GPC5: variants seen among roughly 807,000 people sequenced by gnomAD.
The protein encoded by GPC5 is glypican-5.
A neutral mutation model predicts 53.9 loss-of-function variants in GPC5; 47 were observed. The ratio of observed to expected loss-of-function variants is 0.87; its 90% CI spans 0.69 to 1.11. The LOEUF is 1.11. Among genes scored for constraint, GPC5 ranks in the 50% most tolerant of loss-of-function variants. GPC5 has a pLI of 0.00. For synonymous variants in GPC5, 286 were observed against 263.3 expected, an observed-to-expected ratio of 1.09 and a Z score of -0.84; for missense variants, 748 against 713.1, an observed-to-expected ratio of 1.05 and a Z score of -0.56.
intron 6 of GPC5, among the ~76,000 whole-genome samples, chr13:91,969,401 A>C (rs1462390633): frequency 6.6e-6 from 1 of 152,226 alleles, no homozygotes; most frequent in Non-Finnish European, 1.5e-5. Flanking sequence ...AAAGGCTTAC[A>C]TAGAAATGTA....
intron 7 of GPC5, among the ~76,000 whole-genome samples, chr13:92,322,278 A>G (rs1326390329): frequency 6.6e-6 from 1 of 152,098 alleles, no homozygotes; most frequent in African/African-American, 2.4e-5. Context: ...ATGGGGGAAA[A>G]AAAAAAGTTC....
intron 7 of GPC5, among the ~76,000 whole-genome samples, chr13:92,331,415 C>T (rs4351927): frequency 0.2 from 31,127 of 151,878 alleles, 3,914 homozygotes; most frequent in Non-Finnish European, 0.29. Context: ...TGATGAATGC[C>T]GAAATTTGAA....
At chr13:92,033,186 A>C (rs1045978214) in intron 6 of GPC5, among the ~76,000 whole-genome samples, 9 of 152,162 alleles carry the variant, frequency 5.9e-5, no homozygotes, top group African/African-American at 2.2e-4. Context: ...ACTTGAGTAA[A>C]TAGAGTATTT....
At chr13:91,634,427 G>T (rs1368856518) in intron 2 of GPC5, among the ~76,000 whole-genome samples, 5 of 151,962 alleles carry the variant, frequency 3.3e-5, no homozygotes, top group African/African-American at 1.2e-4. Context: ...ATTTGTGAAA[G>T]AACAGTTTCT....
At chr13:92,332,943 T>C (rs999003435) in intron 7 of GPC5, among the ~76,000 whole-genome samples, 15 of 152,202 alleles carry the variant, frequency 9.9e-5, no homozygotes, top group Non-Finnish European at 1.5e-4. Flanking sequence ...ATAAGTCAAC[T>C]TTTATTAGAT....
At chr13:92,124,941 T>C (rs2041682927) in intron 6 of GPC5, among the ~76,000 whole-genome samples, 1 of 152,208 alleles carries the variant, frequency 6.6e-6, no homozygotes. Flanking sequence ...CTAGACCTGG[T>C]GCCTTGCTGC....
At chr13:92,304,969 T>C (rs1250596128) in intron 7 of GPC5, among the ~76,000 whole-genome samples, 6 of 152,126 alleles carry the variant, frequency 3.9e-5, no homozygotes, top group Non-Finnish European at 8.8e-5. Context: ...TTAGAGTAAA[T>C]AGATGAGATC....
chr13:91,553,871 T>A (rs34893887), intron 2 of GPC5, among the ~76,000 whole-genome samples: 7,337 of 152,132 alleles, frequency 0.048, 201 homozygotes, highest in Non-Finnish European at 0.059. Flanking sequence ...AGTATATATT[T>A]AATATAGCCC....
chr13:92,015,375 T>G (rs1426604292), intron 6 of GPC5, among the ~76,000 whole-genome samples: 4 of 152,106 alleles, frequency 2.6e-5, no homozygotes, highest in African/African-American at 9.7e-5. Context: ...AGTTACACAT[T>G]TTAGAGGACC....
At chr13:91,985,388 A>C (rs1383030728) in intron 6 of GPC5, among the ~76,000 whole-genome samples, 1 of 137,596 alleles carries the variant, frequency 7.3e-6, no homozygotes, top group Non-Finnish European at 1.6e-5. Context: ...TTTTTTTACT[A>C]GTGTGACAAT....
At chr13:92,217,387 A>G (rs184262514) in intron 7 of GPC5, among the ~76,000 whole-genome samples, 15 of 152,062 alleles carry the variant, frequency 9.9e-5, no homozygotes, top group African/African-American at 3.6e-4. Context: ...CCTTCATCTC[A>G]CCTTCATTAT....
At chr13:91,997,716 C>T (rs1301112005) in intron 6 of GPC5, among the ~76,000 whole-genome samples, 2 of 152,224 alleles carry the variant, frequency 1.3e-5, no homozygotes, top group East Asian at 3.9e-4. Flanking sequence ...GACGGGGTTT[C>T]ACCATGTTGG....
At chr13:92,571,984 A>G (rs1368299022) in intron 7 of GPC5, among the ~76,000 whole-genome samples, 1 of 152,118 alleles carries the variant, frequency 6.6e-6, no homozygotes, top group East Asian at 1.9e-4. Flanking sequence ...GCAGTGAGAA[A>G]TGATCGCAAC....
chr13:92,208,220 G>T (rs769837284), intron 7 of GPC5, among the ~76,000 whole-genome samples: 2 of 152,170 alleles, frequency 1.3e-5, no homozygotes, highest in Non-Finnish European at 2.9e-5. Context: ...GGGTTCTTCC[G>T]ATGGCATTGG....
intron 5 of GPC5, among the ~76,000 whole-genome samples, chr13:91,858,578 T>G (rs575123806): frequency 6.6e-6 from 1 of 152,156 alleles, no homozygotes; most frequent in Admixed American, 6.6e-5. Flanking sequence ...AGTATGTTGC[T>G]GAGCATTTTT....
intron 7 of GPC5, among the ~76,000 whole-genome samples, chr13:92,626,421 CAT>C (rs1885047634): frequency 6.6e-6 from 1 of 152,140 alleles, no homozygotes; most frequent in Admixed American, 6.5e-5. Flanking sequence ...AGAGGGCACT[CAT>C]GTGCTATGAG....
At chr13:92,753,929 T>C (rs1413659418) in intron 7 of GPC5, among the ~76,000 whole-genome samples, 2 of 152,016 alleles carry the variant, frequency 1.3e-5, no homozygotes, top group Non-Finnish European at 2.9e-5. Flanking sequence ...CAGGAGAACT[T>C]CCCCAATCTA....
At chr13:92,292,997 G>T (rs1385693283) in intron 7 of GPC5, among the ~76,000 whole-genome samples, 1 of 151,658 alleles carries the variant, frequency 6.6e-6, no homozygotes, top group Non-Finnish European at 1.5e-5. Flanking sequence ...TTTATTTCTT[G>T]GTGGTCTGTT....
chr13:91,966,977 G>A (rs546404086), intron 6 of GPC5, among the ~76,000 whole-genome samples: 2 of 152,264 alleles, frequency 1.3e-5, no homozygotes, highest in African/African-American at 4.8e-5. Context: ...ACACTTATTT[G>A]CTTTTCCATA....
Sources: gnomAD v4.1 joint callset for allele counts (sites outside exome capture counted in the v4.1 genomes callset) on GRCh38, gnomAD v4.1.1 for gene constraint, MANE v1.5 for transcripts, NCBI Gene and HGNC (gene_info 2026-07-23, HGNC 2026-07-21) for gene names.